The following GNPAT variants were observed in gnomAD, a reference collection of about 807,000 sequenced individuals.
The protein encoded by GNPAT is glyceronephosphate O-acyltransferase.
A neutral mutation model predicts 78.4 loss-of-function variants in GNPAT; 30 were observed. The ratio of observed to expected loss-of-function variants is 0.38; its 90% CI spans 0.29 to 0.52. GNPAT has a LOEUF of 0.52. Ranked by LOEUF, GNPAT falls within the 20% of genes least tolerant of loss-of-function variation. The pLI is 0.84. For synonymous variants in GNPAT, 271 were observed against 281.1 expected (o/e 0.96, Z 0.36); for missense variants, 714 against 812.2 (o/e 0.88, Z 1.47).
chr1:231,242,342 A>C (rs1684636243), intron 1 of GNPAT, among the ~76,000 whole-genome samples: 1 of 152,234 alleles, frequency 6.6e-6, no homozygotes, highest in Admixed American at 6.5e-5. Flanking sequence ...TTTGGCTTAA[A>C]TGTAGTGTTC....
chr1:231,254,246 A>G (rs1207958948), intron 2 of GNPAT, among the ~76,000 whole-genome samples: 1 of 152,202 alleles, frequency 6.6e-6, no homozygotes, highest in African/African-American at 2.4e-5. Context: ...ATAAACTAAG[A>G]TAGATTGGAA....
rs531144409 is a variant in GNPAT at position 231,277,513 on chromosome 1, A to G, written c.2014A>G (p.Ile672Val). 8.1e-6 allele frequency: 13 copies of G among 1,595,990 alleles called. No homozygotes were observed. The highest frequency in any genetic ancestry group is 4.0e-5 in the African/African-American group (3 of 74,712). The change falls in exon 16 of 16, where the codon ATA becomes GTA. Residue 672 changes from isoleucine to valine, a missense_variant. Transcript: ENST00000366647. ...TTTCATCTTAGGTTGTAAGACACCA[A>G]TAGGAAAACCAGCCACTGCAAAACT... Reference protein sequence around the residue: ...LEEMLGCKTPIGKPATAKL With the variant: ...LEEMLGCKTPVGKPATAKL
chr1:231,273,225 G>A (rs1291418631), intron 11 of GNPAT, among the ~76,000 whole-genome samples: 2 of 151,752 alleles, frequency 1.3e-5, no homozygotes, highest in Non-Finnish European at 2.9e-5. Flanking sequence ...ATTCTGTAGG[G>A]AGTGGAACAG....
chr1:231,257,080 A>G (rs1177604099), intron 2 of GNPAT, among the ~76,000 whole-genome samples: 1 of 152,192 alleles, frequency 6.6e-6, no homozygotes, highest in Non-Finnish European at 1.5e-5. Context: ...GAAAAGCCTA[A>G]TTGCATAGAG....
rs757729214 is a variant in GNPAT at position 231,241,475 on chromosome 1, G to C, written c.78+19G>C. On this transcript the variant is annotated intron_variant, in intron 1 of 15. Transcript: ENST00000366647. ...CTACTCGGTAGGCGCCCAGGGAAAA[G>C]AGGCCCAGAGCGGAGCCGCGCGAAA... The C allele has an allele frequency of 6.3e-7, 1 of 1,578,192 alleles. No individual in the cohort carries two copies. Among genetic ancestry groups the C allele is most frequent in the African/African-American group, 1.3e-5 (1 of 74,192 alleles).
At chr1:231,273,623 G>A (rs1231286746) in intron 11 of GNPAT, among the ~76,000 whole-genome samples, 1 of 152,168 alleles carries the variant, frequency 6.6e-6, no homozygotes, top group African/African-American at 2.4e-5. Context: ...TTTAAATTAA[G>A]GAGTGGTTCT....
chr1:231,243,237 A>G (rs1571927139), intron 1 of GNPAT, among the ~76,000 whole-genome samples: 1 of 152,238 alleles, frequency 6.6e-6, no homozygotes, highest in Non-Finnish European at 1.5e-5. Flanking sequence ...GGGAGAGACA[A>G]GAAGGGGCAC....
intron 2 of GNPAT, among the ~76,000 whole-genome samples, chr1:231,251,681 T>G (rs998460110): frequency 6.6e-6 from 1 of 152,132 alleles, no homozygotes; most frequent in African/African-American, 2.4e-5. Context: ...GAAGCCCAGG[T>G]GATTCCAAAG....
Position 231,276,202 on chromosome 1 carries a change from T to C in GNPAT, c.1999+6T>C, listed in dbSNP as rs771736635. On this transcript the variant is annotated splice_donor_region_variant and intron_variant, in intron 15 of 15. Transcript: ENST00000366647. Reference sequence around the variant, plus strand: ...CAAATTAGAAGAAATGCTTGGTAAGTGCAGTTTAATAAAATACAAGTTTTC... The same window carrying C: ...CAAATTAGAAGAAATGCTTGGTAAGCGCAGTTTAATAAAATACAAGTTTTC... The C allele has an allele frequency of 7.3e-7, 1 of 1,375,464 alleles. No individual in the cohort carries two copies. Among genetic ancestry groups the C allele is most frequent in the Non-Finnish European group, 1.0e-6 (1 of 964,344 alleles). 85.2% of individuals were successfully genotyped at this position (1,375,464 alleles called of 1,614,324 possible).
chr1:231,275,268 G>A lies in GNPAT; in HGVS notation c.1791G>A (p.Glu597=), dbSNP rs762348961. 2 of 1,613,232 alleles carry A rather than the reference G, an allele frequency of 1.2e-6. No homozygotes were observed. The highest frequency in any genetic ancestry group is 1.7e-6 in the Non-Finnish European group (2 of 1,179,126). ...LLSEEEDHFS[E]EQYLAAVRKF... ...GTGAAGAAGAGGACCACTTCAGTGA[G>A]GAACAGTACTTGGCTGCAGTCAGAA... The change falls in exon 13 of 16, where the codon GAG becomes GAA. Residue 597 remains glutamate, a synonymous_variant. Coordinates refer to ENST00000366647, the MANE Select transcript of GNPAT (RefSeq NM_014236.4).
chr1:231,262,161 T>C (rs920898775), intron 3 of GNPAT, among the ~76,000 whole-genome samples: 10 of 152,198 alleles, frequency 6.6e-5, no homozygotes, highest in Admixed American at 3.3e-4. Flanking sequence ...TGGCAGTGAG[T>C]CCAGCACATA....
At position 231,267,859 on chromosome 1, in the gene GNPAT, T is replaced by C; in HGVS notation, c.1235T>C (p.Leu412Pro). ...FDALVEKTLW[L>P]KGLTQAFGGF... ...GCTCTGGTGGAAAAGACTTTATGGC[T>C]AAAAGGCTTAACCCAGGCATTTGGA... Residue 412 changes from leucine to proline, a missense_variant, in exon 9 of 16, where the codon CTA becomes CCA. Coordinates refer to ENST00000366647, the MANE Select transcript of GNPAT (RefSeq NM_014236.4). The C allele has an allele frequency of 6.2e-7, 1 of 1,613,720 alleles. No individual in the cohort carries two copies. The highest frequency in any genetic ancestry group is 2.2e-5 in the East Asian group (1 of 44,880).
intron 14 of GNPAT, 61 bp downstream of exon 14, chr1:231,275,559 C>A: frequency 1.1e-6 from 1 of 950,154 alleles, no homozygotes; most frequent in Non-Finnish European, 1.7e-6. Context: ...GACATTTGAG[C>A]TCAAAATCCA....
At position 231,277,771 on chromosome 1, in the gene GNPAT, T is replaced by C; in HGVS notation, c.*229T>C. 1 of 495,006 alleles carries C rather than the reference T, an allele frequency of 2.0e-6. No homozygotes were observed. 30.7% of individuals were successfully genotyped at this position (495,006 alleles called of 1,614,324 possible). ...CTGACACTATGTGTGTGTTTTAAAA[T>C]AAACTTTTGGAAACATGTTTGGAAA... On this transcript the variant is annotated 3_prime_UTR_variant, in exon 16 of 16. Coordinates refer to ENST00000366647, the MANE Select transcript of GNPAT (RefSeq NM_014236.4).
At chr1:231,277,070 C>A (rs1685737978) in intron 15 of GNPAT, among the ~76,000 whole-genome samples, 1 of 152,052 alleles carries the variant, frequency 6.6e-6, no homozygotes, top group South Asian at 2.1e-4. Flanking sequence ...ATCGGGAAGG[C>A]GGAAGTACTA....
At chr1:231,250,299 T>G (rs919747720) in intron 1 of GNPAT, among the ~76,000 whole-genome samples, 2 of 151,792 alleles carry the variant, frequency 1.3e-5, no homozygotes, top group African/African-American at 4.8e-5. Context: ...GGCTTGGTGG[T>G]ATGCACTTGT....
intron 1 of GNPAT, among the ~76,000 whole-genome samples, chr1:231,249,026 G>A (rs891030644): frequency 6.6e-6 from 1 of 152,130 alleles, no homozygotes; most frequent in Non-Finnish European, 1.5e-5. Context: ...CTGTATATGT[G>A]TATACATATA....
chr1:231,249,065 T>G (rs2102799949), intron 1 of GNPAT, among the ~76,000 whole-genome samples: 1 of 152,306 alleles, frequency 6.6e-6, no homozygotes, highest in South Asian at 2.1e-4. Context: ...CCTTTTCTCC[T>G]TCCACTCCCA....
At position 231,251,070 on chromosome 1, in the gene GNPAT, T is replaced by C. The variant is rs976877241; in HGVS notation, c.188T>C (p.Ile63Thr). 27 of 1,595,106 alleles carry C rather than the reference T, an allele frequency of 1.7e-5. No homozygotes were observed. Among genetic ancestry groups the C allele is most frequent in the Non-Finnish European group, 2.3e-5 (27 of 1,162,832 alleles). Residue 63 changes from isoleucine to threonine, a missense_variant, in exon 2 of 16, where the codon ATT (isoleucine) becomes ACT (threonine). Coordinates refer to ENST00000366647, the MANE Select transcript of GNPAT (RefSeq NM_014236.4). ...TACACACCTCTTGTCTATAAGGGAATTACTCCATGTAAACCAATTGATATT... is the reference window on the plus strand; with the variant it reads ...TACACACCTCTTGTCTATAAGGGAACTACTCCATGTAAACCAATTGATATT... ...KCYTPLVYKG[I>T]TPCKPIDIKC...
Sources: gnomAD v4.1 joint callset for allele counts (sites outside exome capture counted in the v4.1 genomes callset) on GRCh38, gnomAD v4.1.1 for gene constraint, MANE v1.5 for transcripts, NCBI Gene and HGNC (gene_info 2026-07-23, HGNC 2026-07-21) for gene names.